Variants in MYO3A observed in about 807,000 individuals in gnomAD.
MYO3A encodes myosin IIIA.
A neutral mutation model predicts 192.7 loss-of-function variants in MYO3A; 180 were observed. The observed-to-expected ratio is 0.93, with a 90% confidence interval of 0.83 to 1.06. MYO3A has a LOEUF of 1.06. Ranked by LOEUF, MYO3A falls within the 50% of genes least tolerant of loss-of-function variation. The pLI, the probability that MYO3A is intolerant of heterozygous loss-of-function variation, is 0.00. For missense variants in MYO3A, 1,896 were observed against 1,905.0 expected, an observed-to-expected ratio of 1.00 and a Z score of 0.09; for synonymous variants, 628 against 645.3, an observed-to-expected ratio of 0.97 and a Z score of 0.41.
chr10:26,024,995 A>G (rs1345283942), intron 9 of MYO3A, among the ~76,000 whole-genome samples: 1 of 152,214 alleles, frequency 6.6e-6, no homozygotes, highest in East Asian at 1.9e-4. Flanking sequence ...CTAGCAGAGT[A>G]ACTCCAGTGT....
At chr10:25,963,997 A>G (rs1448856326) in intron 4 of MYO3A, among the ~76,000 whole-genome samples, 1 of 152,194 alleles carries the variant, frequency 6.6e-6, no homozygotes, top group Non-Finnish European at 1.5e-5. Context: ...ATGTCTTGCT[A>G]TTTAATAAAT....
chr10:25,989,947 G>A (rs1480423176), intron 4 of MYO3A, among the ~76,000 whole-genome samples: 1 of 152,146 alleles, frequency 6.6e-6, no homozygotes, highest in East Asian at 1.9e-4. Flanking sequence ...GAAGTATTAA[G>A]GATTGGAGGA....
At chr10:26,088,460 C>T (rs1219440280) in intron 15 of MYO3A, 55 bp downstream of exon 15, 1 of 1,484,950 alleles carries the variant, frequency 6.7e-7, no homozygotes, top group Non-Finnish European at 9.4e-7. Flanking sequence ...AAACATAATA[C>T]TTTAATAGTA....
chr10:26,190,201 T>C (rs1843060298), intron 31 of MYO3A, among the ~76,000 whole-genome samples: 1 of 152,200 alleles, frequency 6.6e-6, no homozygotes, highest in African/African-American at 2.4e-5. Context: ...CAATGGCAAA[T>C]GAGACTAGGT....
chr10:26,211,237 T>C (rs994502), intron 34 of MYO3A, among the ~76,000 whole-genome samples: 46,604 of 152,094 alleles, frequency 0.31, 9,954 homozygotes, highest in African/African-American at 0.61. Context: ...TACCCCACTT[T>C]CCAGACAAGC....
intron 10 of MYO3A, among the ~76,000 whole-genome samples, chr10:26,039,684 G>A (rs1226355912): frequency 6.6e-6 from 1 of 151,942 alleles, no homozygotes; most frequent in Admixed American, 6.6e-5. Flanking sequence ...GCTCATATTA[G>A]CTACCAAAGA....
At chr10:25,974,322 A>C (rs1838846907) in intron 4 of MYO3A, among the ~76,000 whole-genome samples, 1 of 152,210 alleles carries the variant, frequency 6.6e-6, no homozygotes, top group East Asian at 1.9e-4. Flanking sequence ...TCAAAAAATA[A>C]TTCTATTTGC....
intron 10 of MYO3A, among the ~76,000 whole-genome samples, chr10:26,058,034 T>C (rs1834221008): frequency 1.3e-5 from 2 of 152,216 alleles, no homozygotes; most frequent in African/African-American, 4.8e-5. Context: ...CTATTGGTGT[T>C]GTACATTCAA....
At chr10:26,124,583 C>G (rs530638230) in intron 18 of MYO3A, among the ~76,000 whole-genome samples, 1 of 152,170 alleles carries the variant, frequency 6.6e-6, no homozygotes, top group Admixed American at 6.5e-5. Flanking sequence ...GCCATATAAC[C>G]AAGAAACATC....
At chr10:26,123,958 G>T (rs892464365) in intron 18 of MYO3A, among the ~76,000 whole-genome samples, 7 of 151,668 alleles carry the variant, frequency 4.6e-5, no homozygotes, top group Non-Finnish European at 1.0e-4. Flanking sequence ...AAACAAAAAA[G>T]ACCTTTCTTG....
intron 4 of MYO3A, among the ~76,000 whole-genome samples, chr10:25,969,932 A>G (rs932327654): frequency 5.3e-5 from 8 of 152,106 alleles, no homozygotes; most frequent in Non-Finnish European, 1.5e-5. Context: ...AGGCAAGGTA[A>G]CTTCCAGACA....
At chr10:26,196,095 T>C (rs562630406) in intron 32 of MYO3A, among the ~76,000 whole-genome samples, 9 of 152,378 alleles carry the variant, frequency 5.9e-5, no homozygotes, top group African/African-American at 2.2e-4. Flanking sequence ...TTTTTTTCTA[T>C]GCTCTCAAAT....
At chr10:26,061,486 A>G (rs1174906504) in intron 10 of MYO3A, among the ~76,000 whole-genome samples, 1 of 152,174 alleles carries the variant, frequency 6.6e-6, no homozygotes, top group Non-Finnish European at 1.5e-5. Context: ...AGGTAGAGAA[A>G]TGGAATGAAC....
intron 4 of MYO3A, among the ~76,000 whole-genome samples, chr10:25,967,996 C>T (rs748629063): frequency 3.3e-5 from 5 of 151,930 alleles, no homozygotes; most frequent in South Asian, 2.1e-4. Flanking sequence ...CTGAGAATGG[C>T]GGGTGTAGGG....
intron 4 of MYO3A, among the ~76,000 whole-genome samples, chr10:25,993,626 TC>T (rs1312904049): frequency 6.6e-6 from 1 of 152,230 alleles, no homozygotes; most frequent in East Asian, 1.9e-4. Flanking sequence ...TTTAGATCTT[TC>T]CTGCTTTCTC....
chr10:26,187,707 G>A (rs964540047), intron 31 of MYO3A, among the ~76,000 whole-genome samples: 2 of 135,004 alleles, frequency 1.5e-5, no homozygotes, highest in East Asian at 4.4e-4. Flanking sequence ...TGTTCTCATT[G>A]TTCAATTCCC....
intron 17 of MYO3A, 56 bp from the exon 18 acceptor site, chr10:26,120,620 C>T (rs1838800261): frequency 6.2e-7 from 1 of 1,610,710 alleles, no homozygotes; most frequent in Non-Finnish European, 8.5e-7. Context: ...GCCATAGTCA[C>T]TGGTTGGCTG....
intron 34 of MYO3A, among the ~76,000 whole-genome samples, chr10:26,204,950 C>T (rs7913376): frequency 0.019 from 2,958 of 152,148 alleles, 99 homozygotes; most frequent in African/African-American, 0.064. Context: ...AACCAAACAG[C>T]GAAATAGTGC....
chr10:25,976,743 AT>A (rs1401390819), intron 4 of MYO3A, among the ~76,000 whole-genome samples: 5 of 152,154 alleles, frequency 3.3e-5, no homozygotes, highest in Non-Finnish European at 7.4e-5. Flanking sequence ...ACTAAGGTCT[AT>A]TTTAGCATTG....
Sources: allele counts gnomAD v4.1 joint callset (sites outside exome capture counted in the v4.1 genomes callset), GRCh38; gene constraint gnomAD v4.1.1; transcripts MANE v1.5; gene names NCBI Gene and HGNC (gene_info 2026-07-23, HGNC 2026-07-21).